The following KLF17 variants were observed in gnomAD, a reference collection of about 807,000 sequenced individuals.
KLF17 encodes Krueppel-like factor 17.
A neutral mutation model predicts 34.2 loss-of-function variants in KLF17; 31 were observed. That is an observed-to-expected ratio of 0.91 (90% CI 0.68 to 1.22). The LOEUF (loss-of-function observed/expected upper bound fraction) is 1.22, where lower values mean the gene tolerates loss of function less well. Ranked by LOEUF, KLF17 falls within the 50% of genes most tolerant of loss-of-function variation. KLF17 has a pLI of 0.00. For missense variants in KLF17, 478 were observed against 505.2 expected (o/e 0.95, Z 0.52); for synonymous variants, 179 against 186.7 (o/e 0.96, Z 0.34).
the KLF17 span, chr1:44,076,619 G>C: frequency 1.3e-5 from 2 of 152,098 alleles, no homozygotes; most frequent in Non-Finnish European, 2.9e-5. Context: ...GCATTTTCCT[G>C]ATTATGAATG....
Position 44,134,812 on chromosome 1 carries a change from G to A in KLF17, c.*1575G>A, listed in dbSNP as rs1215399118. The A allele has an allele frequency of 6.6e-6, 1 of 152,172 alleles. No individual in the cohort carries two copies. The highest frequency in any genetic ancestry group is 1.5e-5 in the Non-Finnish European group (1 of 68,042). 9.4% of individuals were successfully genotyped at this position (152,172 alleles called of 1,614,324 possible). A position where few individuals can be genotyped will look rare whatever the true frequency, so the allele number is the denominator to read the frequency against. Reference sequence around the variant, plus strand: ...GGCTAGGGTGTGAGAGTGGAGGTAGGGAGAAGTAGGAAAGTGATAGTTAAC... The same window carrying A: ...GGCTAGGGTGTGAGAGTGGAGGTAGAGAGAAGTAGGAAAGTGATAGTTAAC... On this transcript the variant is annotated 3_prime_UTR_variant, in exon 4 of 4. Transcript: ENST00000372299.
chr1:44,130,996 T>C (rs2088103124), intron 3 of KLF17, among the ~76,000 whole-genome samples: 1 of 152,004 alleles, frequency 6.6e-6, no homozygotes, highest in African/African-American at 2.4e-5. Flanking sequence ...GGGGTTTCAC[T>C]GTGTTAGCCA....
the KLF17 span, among the ~76,000 whole-genome samples, chr1:44,096,643 G>A: frequency 1.8e-4 from 28 of 151,630 alleles, no homozygotes; most frequent in Admixed American, 5.2e-4. Flanking sequence ...CTTGTGATCC[G>A]CTCATCTTGG....
At chr1:44,099,393 G>C in the KLF17 span, among the ~76,000 whole-genome samples, 1 of 152,110 alleles carries the variant, frequency 6.6e-6, no homozygotes, top group African/African-American at 2.4e-5. Context: ...GACAGAGCAA[G>C]ACAGTCTTCT....
At chr1:44,056,333 G>A in the KLF17 span, among the ~76,000 whole-genome samples, 15 of 152,280 alleles carry the variant, frequency 9.9e-5, no homozygotes, top group South Asian at 2.1e-4. Flanking sequence ...GCTAAATATT[G>A]GGGGTATGTG....
the KLF17 span, among the ~76,000 whole-genome samples, chr1:44,107,870 G>GA: frequency 6.6e-6 from 1 of 151,958 alleles, no homozygotes; most frequent in African/African-American, 2.4e-5. Context: ...GTACGTATAG[G>GA]AAAAAAACAC....
intron 1 of KLF17, among the ~76,000 whole-genome samples, chr1:44,121,892 A>G (rs532648194): frequency 6.6e-6 from 1 of 152,308 alleles, no homozygotes; most frequent in Non-Finnish European, 1.5e-5. Context: ...TCAGAAAGTA[A>G]TCTGTGTGAT....
At chr1:44,132,971 T>C (rs1417255671) in intron 3 of KLF17, among the ~76,000 whole-genome samples, 1 of 152,114 alleles carries the variant, frequency 6.6e-6, no homozygotes, top group Non-Finnish European at 1.5e-5. Flanking sequence ...GCCCCAGAGG[T>C]GGTCTCTTCC....
chr1:44,121,427 A>G (rs1173397343), intron 1 of KLF17, among the ~76,000 whole-genome samples: 1 of 152,202 alleles, frequency 6.6e-6, no homozygotes, highest in Non-Finnish European at 1.5e-5. Flanking sequence ...TAATTCCTTT[A>G]AATTATCTTA....
the KLF17 span, among the ~76,000 whole-genome samples, chr1:44,081,987 TTAAA>T: frequency 6.6e-6 from 1 of 152,202 alleles, no homozygotes; most frequent in Non-Finnish European, 1.5e-5. Context: ...TTCTAAAATG[TTAAA>T]TAATTTTTCT....
At chr1:44,045,107 T>C in the KLF17 span, 34,759 of 152,122 alleles carry the variant, frequency 0.23, 4,582 homozygotes, top group Non-Finnish European at 0.29. Flanking sequence ...TGATTGAGAT[T>C]GGAGCCACCT....
chr1:44,079,448 C>T, the KLF17 span, among the ~76,000 whole-genome samples: 4 of 152,044 alleles, frequency 2.6e-5, no homozygotes, highest in South Asian at 2.1e-4. Context: ...AGGCACATAC[C>T]GCCACCATGC....
the KLF17 span, among the ~76,000 whole-genome samples, chr1:44,081,756 A>G: frequency 6.6e-6 from 1 of 151,938 alleles, no homozygotes; most frequent in Admixed American, 6.6e-5. Flanking sequence ...TGGGCACATC[A>G]CCGATTTCAG....
At chr1:44,080,285 C>T in the KLF17 span, among the ~76,000 whole-genome samples, 3 of 133,850 alleles carry the variant, frequency 2.2e-5, no homozygotes, top group Non-Finnish European at 4.6e-5. Flanking sequence ...GTCGTCCAGG[C>T]TGGAGTGCAT....
At chr1:44,127,639 CTTCTTTCTTTCTTTCTTTCT>C (rs34643385) in intron 1 of KLF17, among the ~76,000 whole-genome samples, 55 of 77,330 alleles carry the variant, frequency 7.1e-4, no homozygotes, top group East Asian at 1.8e-3. Context: ...CTTTTCTTTC[CTTCTTTCTTTCTTTCTTTCT>C]TTCTTTCTTT....
the KLF17 span, among the ~76,000 whole-genome samples, chr1:44,065,405 GTTTT>G: frequency 5.9e-5 from 7 of 119,018 alleles, no homozygotes; most frequent in Non-Finnish European, 6.7e-5. Flanking sequence ...ATAATCCTTG[GTTTT>G]TTTTTTTTTT....
At chr1:44,063,718 T>G in the KLF17 span, among the ~76,000 whole-genome samples, 1 of 152,146 alleles carries the variant, frequency 6.6e-6, no homozygotes, top group African/African-American at 2.4e-5. Flanking sequence ...AACCATAGAT[T>G]CAGAAAGAAT....
chr1:44,128,942 A>G (rs2088062404), intron 1 of KLF17, among the ~76,000 whole-genome samples: 1 of 151,892 alleles, frequency 6.6e-6, no homozygotes, highest in African/African-American at 2.4e-5. Context: ...AACCCGGGAG[A>G]CAGAGGTCGT....
the KLF17 span, among the ~76,000 whole-genome samples, chr1:44,072,386 TG>T: frequency 6.6e-6 from 1 of 151,970 alleles, no homozygotes; most frequent in Non-Finnish European, 1.5e-5. Context: ...AGTGTGTGGG[TG>T]GTATTTAAAA....
Sources: allele counts gnomAD v4.1 joint callset (sites outside exome capture counted in the v4.1 genomes callset), GRCh38; gene constraint gnomAD v4.1.1; transcripts MANE v1.5; gene names NCBI Gene and HGNC (gene_info 2026-07-23, HGNC 2026-07-21).